Variants in MAPK10 observed in about 807,000 individuals in gnomAD.
MAPK10 encodes the protein JNK3 alpha protein kinase.
MAPK10 carries 25 observed loss-of-function variants against 59.3 expected under a neutral mutation model. The ratio of observed to expected loss-of-function variants is 0.42; its 90% CI spans 0.31 to 0.59. MAPK10 has a LOEUF of 0.59. Ranked by LOEUF, MAPK10 falls within the 20% of genes least tolerant of loss-of-function variation. MAPK10 has a pLI of 0.15. For missense variants in MAPK10, 351 were observed against 568.9 expected (o/e 0.62, Z 3.90); for synonymous variants, 190 against 200.5 (o/e 0.95, Z 0.44).
intron 1 of MAPK10, among the ~76,000 whole-genome samples, chr4:86,407,865 T>C (rs116214184): frequency 0.011 from 1,708 of 152,234 alleles, 29 homozygotes; most frequent in African/African-American, 0.038. Flanking sequence ...TTTAAAAATC[T>C]GGCCATAATT....
chr4:86,395,672 G>T (rs777516577), intron 1 of MAPK10, among the ~76,000 whole-genome samples: 1 of 152,164 alleles, frequency 6.6e-6, no homozygotes, highest in Non-Finnish European at 1.5e-5. Context: ...TTAAAGGAGA[G>T]ATATTCATTT....
intron 2 of MAPK10, among the ~76,000 whole-genome samples, chr4:86,221,748 C>G (rs1343907794): frequency 1.3e-5 from 2 of 152,138 alleles, no homozygotes; most frequent in African/African-American, 4.8e-5. Context: ...AGGGACCCAC[C>G]CACCTCGGCT....
intron 1 of MAPK10, among the ~76,000 whole-genome samples, chr4:86,469,921 T>A (rs1752527157): frequency 6.6e-6 from 1 of 152,186 alleles, no homozygotes; most frequent in Non-Finnish European, 1.5e-5. Flanking sequence ...GCAATGAGGC[T>A]TTTTCTAAAA....
rs978037935 is a variant in MAPK10 at position 86,462,212 on chromosome 4, G to A, written c.-262-107568C>T. Among the ~76,000 whole-genome samples the A allele has an allele frequency of 2.6e-5, 4 of 152,184 alleles. No individual in the cohort carries two copies. The South Asian group carries it at 8.3e-4, about 32-fold the overall frequency. On this transcript the variant is annotated intron_variant, in intron 1 of 4. Transcript: ENST00000502302. ...TGGACCCTTGCCAGCGGGGATGATA[G>A]GATTACTTCTAGGAAGGTCTAGTTT...
At chr4:86,353,481 A>G (rs533767557) in intron 2 of MAPK10, among the ~76,000 whole-genome samples, 5 of 152,290 alleles carry the variant, frequency 3.3e-5, no homozygotes, top group African/African-American at 1.2e-4. Context: ...TAGGTCAAAA[A>G]TAGTTTGTTA....
Position 86,172,482 on chromosome 4 carries a change from C to G in MAPK10, c.67-13015G>C, listed in dbSNP as rs573731017. On this transcript the variant is annotated intron_variant, in intron 3 of 13. Coordinates refer to ENST00000641462, the MANE Select transcript of MAPK10 (RefSeq NM_138982.4). ...AGTAAACTATTGCGAGGACAAAAAA[C>G]CAAACACCGCATGTTCTCACTCATG... 9.7e-3 allele frequency among the ~76,000 whole-genome samples: 1,462 copies of G among 151,206 alleles called. 5 individuals carry two copies. The highest frequency in any genetic ancestry group is 0.017 in the African/African-American group (681 of 40,826).
chr4:86,307,474 G>A lies in MAPK10; in HGVS notation c.-7+47056C>T, dbSNP rs559679042. Among the ~76,000 whole-genome samples the A allele has an allele frequency of 1.3e-3, 194 of 152,288 alleles. 1 individual carries two copies. The highest frequency in any genetic ancestry group is 4.6e-3 in the African/African-American group (191 of 41,568). The stretch of plus-strand genomic sequence containing the variant: ...TAACACAAGGAACTTTAAGGGAAGT[G>A]CAAAGGGCTATAGAAATGCATAAAG... On this transcript the variant is annotated intron_variant, in intron 2 of 13. Transcript: ENST00000641462.
chr4:86,564,352 A>G (rs1431766501), intron 1 of MAPK10, among the ~76,000 whole-genome samples: 2 of 152,188 alleles, frequency 1.3e-5, no homozygotes, highest in African/African-American at 2.4e-5. Flanking sequence ...GGTGTTTTGA[A>G]AAAGAAATGC....
chr4:86,362,926 A>T (rs1471899498), upstream of MAPK10, among the ~76,000 whole-genome samples: 1 of 152,046 alleles, frequency 6.6e-6, no homozygotes, highest in Non-Finnish European at 1.5e-5. Context: ...ATGGCTCAAC[A>T]CTCCTATTTA....
chr4:86,533,965 C>T (rs946971246), intron 1 of MAPK10, among the ~76,000 whole-genome samples: 2 of 152,122 alleles, frequency 1.3e-5, no homozygotes, highest in Non-Finnish European at 2.9e-5. Context: ...CATTACTCTC[C>T]TAGAATCATG....
chr4:86,385,992 A>T (rs977579367), intron 1 of MAPK10, among the ~76,000 whole-genome samples: 1 of 152,238 alleles, frequency 6.6e-6, no homozygotes, highest in African/African-American at 2.4e-5. Flanking sequence ...TCATAAAAAA[A>T]ATTATTTAAA....
At chr4:86,078,738 C>T (rs551502292) in intron 9 of MAPK10, among the ~76,000 whole-genome samples, 35 of 152,114 alleles carry the variant, frequency 2.3e-4, no homozygotes, top group Admixed American at 2.0e-3. Context: ...GCATGTAATC[C>T]TAGCACTTTG....
rs1210962716 is a variant in MAPK10, at chr4:86,055,454, C to A, written c.1110+8812G>T. 2.7e-5 allele frequency among the ~76,000 whole-genome samples: 4 copies of A among 149,594 alleles called. 1 individual carries two copies. The highest frequency in any genetic ancestry group is 3.9e-4 in the East Asian group (2 of 5,186). ...TTCCTGAGAAAACTCAATTGATGTGCTTTATCAAGTATAATAGTATGTTTC... is the reference window on the plus strand; with the variant it reads ...TTCCTGAGAAAACTCAATTGATGTGATTTATCAAGTATAATAGTATGTTTC... On this transcript the variant is annotated intron_variant, in intron 11 of 13. Coordinates refer to ENST00000641462, the MANE Select transcript of MAPK10 (RefSeq NM_138982.4).
intron 1 of MAPK10, among the ~76,000 whole-genome samples, chr4:86,493,969 A>G (rs1474179404): frequency 6.6e-6 from 1 of 152,110 alleles, no homozygotes; most frequent in Non-Finnish European, 1.5e-5. Flanking sequence ...TAGGAAGGAG[A>G]GAAATTTCAG....
At chr4:86,444,029 TA>T (rs976482465) in intron 1 of MAPK10, among the ~76,000 whole-genome samples, 95 of 142,800 alleles carry the variant, frequency 6.7e-4, no homozygotes, top group Admixed American at 7.0e-4. Flanking sequence ...ACTGAAAATT[TA>T]AAAAAAAAAA....
At chr4:86,096,671 CA>C (rs1260882320) in intron 9 of MAPK10, among the ~76,000 whole-genome samples, 3 of 151,862 alleles carry the variant, frequency 2.0e-5, no homozygotes, top group African/African-American at 7.2e-5. Flanking sequence ...TGTTATATAC[CA>C]AAGGCAAAAG....
chr4:86,243,236 GC>G (rs1266828490), intron 2 of MAPK10, among the ~76,000 whole-genome samples: 6 of 152,118 alleles, frequency 3.9e-5, no homozygotes, highest in Non-Finnish European at 8.8e-5. Context: ...AGCCATCTTG[GC>G]CCCACTCAGA....
chr4:86,150,825 G>A (rs1247416079), intron 4 of MAPK10, among the ~76,000 whole-genome samples: 1 of 152,138 alleles, frequency 6.6e-6, no homozygotes, highest in Non-Finnish European at 1.5e-5. Context: ...TCGCACTACT[G>A]CACTCCAGCC....
At chr4:86,397,384 G>A (rs1051784825) in intron 1 of MAPK10, among the ~76,000 whole-genome samples, 1 of 152,072 alleles carries the variant, frequency 6.6e-6, no homozygotes, top group Non-Finnish European at 1.5e-5. Flanking sequence ...CATGGAGTCT[G>A]ACTATTGCAA....
Sources: allele counts gnomAD v4.1 joint callset (sites outside exome capture counted in the v4.1 genomes callset), GRCh38; gene constraint gnomAD v4.1.1; transcripts MANE v1.5; gene names NCBI Gene and HGNC (gene_info 2026-07-23, HGNC 2026-07-21).